The following ARFGEF1 variants were observed in gnomAD, a reference collection of about 807,000 sequenced individuals.
The protein encoded by ARFGEF1 is brefeldin A-inhibited guanine nucleotide-exchange protein 1.
ARFGEF1 carries 42 observed loss-of-function variants against 231.0 expected under a neutral mutation model. That is an observed-to-expected ratio of 0.18 (90% CI 0.14 to 0.24). The LOEUF is 0.24. Among genes scored for constraint, ARFGEF1 ranks in the 10% least tolerant of loss-of-function variants. ARFGEF1 has a pLI of 1.00. For missense variants in ARFGEF1, 1,345 were observed against 2,192.0 expected (o/e 0.61, Z 7.72); for synonymous variants, 710 against 732.3 (o/e 0.97, Z 0.49).
intron 1 of ARFGEF1, among the ~76,000 whole-genome samples, chr8:67,335,109 T>C (rs1563921990): frequency 1.3e-5 from 2 of 148,594 alleles, no homozygotes; most frequent in Non-Finnish European, 3.0e-5. Context: ...AAATTTTTTT[T>C]TTTTTTTTTT....
At chr8:67,204,903 G>A (rs1303471060) in intron 34 of ARFGEF1, 84 bp from the exon 35 acceptor site, 17 of 1,509,380 alleles carry the variant, frequency 1.1e-5, no homozygotes, top group Non-Finnish European at 1.4e-5. Flanking sequence ...ACAATGCTAA[G>A]GAAACATCAA....
At chr8:67,222,188 T>TATATATATATATATATACAC (rs1839199481) in intron 29 of ARFGEF1, among the ~76,000 whole-genome samples, 2 of 136,180 alleles carry the variant, frequency 1.5e-5, no homozygotes, top group South Asian at 4.7e-4. Flanking sequence ...TACACATATA[T>TATATATATATATATATACAC]ATATATATAT....
intron 7 of ARFGEF1, among the ~76,000 whole-genome samples, chr8:67,285,898 TGGG>T (rs1451953357): frequency 6.6e-6 from 1 of 151,998 alleles, no homozygotes; most frequent in Non-Finnish European, 1.5e-5. Flanking sequence ...TCATGAAAGT[TGGG>T]GGGAAAAATC....
At chr8:67,236,344 T>A (rs570200772) in intron 22 of ARFGEF1, among the ~76,000 whole-genome samples, 5,639 of 44,978 alleles carry the variant, frequency 0.13, 793 homozygotes, top group African/African-American at 0.31. Context: ...AAAAAAGATA[T>A]TAGTTAAAAA....
chr8:67,224,283 C>T (rs564767699), intron 29 of ARFGEF1, among the ~76,000 whole-genome samples: 1 of 152,002 alleles, frequency 6.6e-6, no homozygotes. Flanking sequence ...TTCAATGTGG[C>T]AAAGTACAGG....
chr8:67,197,542 G>T, downstream of ARFGEF1: 1 of 860,860 alleles, frequency 1.2e-6, no homozygotes, highest in Non-Finnish European at 1.4e-6. Flanking sequence ...AAGCTGGAAA[G>T]AAAATACCAG....
At chr8:67,317,682 AGGT>A (rs938134452) in intron 1 of ARFGEF1, among the ~76,000 whole-genome samples, 1 of 147,846 alleles carries the variant, frequency 6.8e-6, no homozygotes, top group African/African-American at 2.5e-5. Context: ...AGGCTGAAGC[AGGT>A]GGATCACCTG....
rs557583451 is a variant in ARFGEF1 at position 67,266,227 on chromosome 8, T to TA, written c.1922-21dup. On this transcript the variant is annotated intron_variant, in intron 13 of 38. Transcript: ENST00000262215. ...CCTGACCTGAAAGAAGAAAAATTGATAGAGTACATTATTCTATCAAAGAAA... is the reference window on the plus strand; with the variant it reads ...CCTGACCTGAAAGAAGAAAAATTGATAAGAGTACATTATTCTATCAAAGAAA... 6.9e-6 allele frequency: 11 copies of TA among 1,600,376 alleles called. No individual in the cohort carries two copies. In the African/African-American group the frequency reaches 1.2e-4, roughly 18 times the overall value.
At chr8:67,235,294 G>A (rs898398802) in intron 22 of ARFGEF1, among the ~76,000 whole-genome samples, 1 of 151,766 alleles carries the variant, frequency 6.6e-6, no homozygotes, top group Non-Finnish European at 1.5e-5. Flanking sequence ...TTACTCAAAA[G>A]CACACAACAC....
intron 27 of ARFGEF1, 83 bp downstream of exon 27, chr8:67,227,054 T>C (rs1481298210): frequency 2.3e-6 from 3 of 1,295,204 alleles, no homozygotes; most frequent in Admixed American, 4.6e-5. Flanking sequence ...CATAATCTTA[T>C]TGTTACTTGA....
chr8:67,288,041 T>A lies in ARFGEF1; in HGVS notation c.941A>T (p.Tyr314Phe), dbSNP rs76811394. Reference sequence around the variant, plus strand: ...CTCACAATCATGGTTTTCTCCGTCATATAACACTTCATTTTTAGATAATGC... The same window carrying A: ...CTCACAATCATGGTTTTCTCCGTCAAATAACACTTCATTTTTAGATAATGC... ...AETLSKNEVL[Y>F]DGENHDCEEK... Residue 314 changes from tyrosine (Y) to phenylalanine (F), a missense_variant, in exon 7 of 39, where the codon TAT (tyrosine) becomes TTT (phenylalanine). This residue lies in a region of ARFGEF1 where 398 missense variants were observed against 463.2 expected (regional missense o/e 0.86). Coordinates refer to ENST00000262215, the MANE Select transcript of ARFGEF1 (RefSeq NM_006421.5). The A allele has an allele frequency of 8.3e-5, 133 of 1,601,652 alleles. No homozygotes were observed. Among genetic ancestry groups the A allele is most frequent in the Non-Finnish European group, 1.1e-4 (126 of 1,175,980 alleles).
intron 14 of ARFGEF1, among the ~76,000 whole-genome samples, chr8:67,264,521 T>C (rs973100403): frequency 2.0e-5 from 3 of 152,036 alleles, no homozygotes; most frequent in Non-Finnish European, 4.4e-5. Flanking sequence ...GGGGCTGATG[T>C]TGGAAAAGGG....
chr8:67,279,165 TAAC>T (rs1256291659), intron 7 of ARFGEF1, among the ~76,000 whole-genome samples: 3 of 152,154 alleles, frequency 2.0e-5, no homozygotes. Context: ...AGAAAAAAAC[TAAC>T]AATGATTATT....
rs753559272 is a variant in ARFGEF1 at position 67,271,842 on chromosome 8, T to C, written c.1432A>G (p.Ile478Val). ...GPIFRTNEMFINAIKQYLCVA... is the reference protein window; with the variant it reads ...GPIFRTNEMFVNAIKQYLCVA... Reference sequence around the variant, plus strand: ...CAAAGATACTGCTTAATAGCATTAATAAACATCTCATTTGTCCTGAAAATA... The same window carrying C: ...CAAAGATACTGCTTAATAGCATTAACAAACATCTCATTTGTCCTGAAAATA... Residue 478 changes from isoleucine to valine, a missense_variant, in exon 10 of 39, where the codon ATT becomes GTT. Ile to Val is a conservative substitution (Grantham distance 29). Around this residue, in one of 14 missense-constraint regions of ARFGEF1, gnomAD observed 141 missense variants for 259.9 expected, o/e 0.54. Transcript: ENST00000262215. The C allele has an allele frequency of 6.2e-7, 1 of 1,613,712 alleles. No individual in the cohort carries two copies. Among genetic ancestry groups the C allele is most frequent in the Non-Finnish European group, 8.5e-7 (1 of 1,179,714 alleles).
chr8:67,227,381 T>C (rs1839410194), intron 26 of ARFGEF1, 66 bp downstream of exon 26: 1 of 1,598,020 alleles, frequency 6.3e-7, no homozygotes, highest in Non-Finnish European at 8.6e-7. Flanking sequence ...CTTTCTTCTG[T>C]TTTTCTCCCT....
intron 19 of ARFGEF1, among the ~76,000 whole-genome samples, chr8:67,248,680 C>T (rs990448198): frequency 6.6e-6 from 1 of 150,424 alleles, no homozygotes; most frequent in Non-Finnish European, 1.5e-5. Flanking sequence ...AGGAAACAAT[C>T]AACAAAGTGA....
At chr8:67,307,801 C>CA (rs2128919615) in intron 1 of ARFGEF1, among the ~76,000 whole-genome samples, 1 of 152,226 alleles carries the variant, frequency 6.6e-6, no homozygotes, top group South Asian at 2.1e-4. Flanking sequence ...ACCTTGCCAC[C>CA]AGGAGATATT....
intron 7 of ARFGEF1, among the ~76,000 whole-genome samples, chr8:67,279,172 G>C (rs187742413): frequency 3.6e-4 from 55 of 152,238 alleles, no homozygotes; most frequent in African/African-American, 8.2e-4. Flanking sequence ...AACTAACAAT[G>C]ATTATTAGAA....
intron 5 of ARFGEF1, among the ~76,000 whole-genome samples, chr8:67,177,017 G>C (rs188159561): frequency 7.0e-6 from 1 of 142,590 alleles, no homozygotes; most frequent in East Asian, 2.1e-4. Context: ...GTTGCAGAGA[G>C]CCAAGATCGT....
Sources: allele counts gnomAD v4.1 joint callset (sites outside exome capture counted in the v4.1 genomes callset), GRCh38; gene constraint gnomAD v4.1.1; regional missense constraint gnomAD v4.1.1; transcripts MANE v1.5; gene names NCBI Gene and HGNC (gene_info 2026-07-23, HGNC 2026-07-21).